Variants in PPARGC1A observed in about 807,000 individuals in gnomAD.
PPARGC1A encodes the protein peroxisome proliferator-activated receptor gamma coactivator 1-alpha.
A neutral mutation model predicts 88.7 loss-of-function variants in PPARGC1A; 25 were observed. The ratio of observed to expected loss-of-function variants is 0.28; its 90% confidence interval spans 0.21 to 0.39. The LOEUF (loss-of-function observed/expected upper bound fraction) is 0.39. PPARGC1A is among the 10% of genes least tolerant of loss of function. The probability of loss-of-function intolerance (pLI) is 1.00; values close to 1 mark genes in which losing one functional copy is unlikely to be tolerated. For synonymous variants in PPARGC1A, 363 were observed against 355.6 expected, an observed-to-expected ratio of 1.02 and a Z score of -0.24; for missense variants, 880 against 968.7, an observed-to-expected ratio of 0.91 and a Z score of 1.22.
chr4:24,118,992 G>C, the PPARGC1A span, among the ~76,000 whole-genome samples: 1 of 152,160 alleles, frequency 6.6e-6, no homozygotes, highest in Non-Finnish European at 1.5e-5. Context: ...GGTGTTTCTA[G>C]TGCATCAGCC....
intron 7 of PPARGC1A, among the ~76,000 whole-genome samples, chr4:23,821,800 C>A (rs1261474405): frequency 6.6e-6 from 1 of 151,782 alleles, no homozygotes; most frequent in Non-Finnish European, 1.5e-5. Flanking sequence ...AGTAAATGGA[C>A]CAAGGCCACA....
the PPARGC1A span, among the ~76,000 whole-genome samples, chr4:24,229,717 T>C: frequency 6.6e-6 from 1 of 151,738 alleles, no homozygotes; most frequent in Non-Finnish European, 1.5e-5. Flanking sequence ...TAGTGGCACA[T>C]GCCTGTAATC....
chr4:24,300,491 G>C, the PPARGC1A span, among the ~76,000 whole-genome samples: 5,093 of 151,254 alleles, frequency 0.034, 130 homozygotes, highest in Non-Finnish European at 0.047. Context: ...TAGACACTCA[G>C]GTAGATAACT....
the PPARGC1A span, among the ~76,000 whole-genome samples, chr4:23,951,474 C>T: frequency 1.1e-4 from 17 of 152,272 alleles, no homozygotes; most frequent in African/African-American, 4.1e-4. Flanking sequence ...GGATTCTTTC[C>T]TTTCCCAGCA....
chr4:24,451,394 C>T, the PPARGC1A span, among the ~76,000 whole-genome samples: 1 of 152,240 alleles, frequency 6.6e-6, no homozygotes, highest in East Asian at 1.9e-4. Flanking sequence ...CAAGCACGAC[C>T]CTAATGGCAC....
the PPARGC1A span, among the ~76,000 whole-genome samples, chr4:24,438,989 T>G: frequency 6.6e-6 from 1 of 152,090 alleles, no homozygotes; most frequent in African/African-American, 2.4e-5. Context: ...ACTAATATAT[T>G]ATGCACATTA....
the PPARGC1A span, among the ~76,000 whole-genome samples, chr4:24,113,002 G>C: frequency 6.6e-6 from 1 of 152,092 alleles, no homozygotes; most frequent in African/African-American, 2.4e-5. Flanking sequence ...GTTTAATATA[G>C]ATGTTAGATA....
At chr4:24,041,030 A>G in the PPARGC1A span, among the ~76,000 whole-genome samples, 1 of 152,216 alleles carries the variant, frequency 6.6e-6, no homozygotes, top group African/African-American at 2.4e-5. Flanking sequence ...GCTACAGTTC[A>G]TCTTGGCAGT....
the PPARGC1A span, among the ~76,000 whole-genome samples, chr4:23,941,400 C>T: frequency 6.6e-6 from 1 of 152,008 alleles, no homozygotes; most frequent in Non-Finnish European, 1.5e-5. Context: ...ATTAACCAAA[C>T]TATTTTGTGG....
the PPARGC1A span, among the ~76,000 whole-genome samples, chr4:24,249,864 CT>C: frequency 6.6e-6 from 1 of 152,194 alleles, no homozygotes; most frequent in African/African-American, 2.4e-5. Context: ...ACAAAAGCCC[CT>C]AGCACAATAC....
the PPARGC1A span, among the ~76,000 whole-genome samples, chr4:24,312,421 G>A: frequency 1.3e-5 from 2 of 151,328 alleles, no homozygotes; most frequent in African/African-American, 4.9e-5. Context: ...AATCACTTAG[G>A]TGAAAGAAGA....
the PPARGC1A span, among the ~76,000 whole-genome samples, chr4:24,093,966 A>C: frequency 6.7e-6 from 1 of 149,384 alleles, no homozygotes; most frequent in Non-Finnish European, 1.5e-5. Flanking sequence ...GCATTTCCCT[A>C]ACTCCCTTAA....
chr4:24,012,079 C>T, the PPARGC1A span, among the ~76,000 whole-genome samples: 1 of 152,080 alleles, frequency 6.6e-6, no homozygotes, highest in African/African-American at 2.4e-5. Context: ...CATAGGAGCG[C>T]CTATAATATT....
At chr4:24,364,246 G>A in the PPARGC1A span, among the ~76,000 whole-genome samples, 49,551 of 152,000 alleles carry the variant, frequency 0.33, 8,291 homozygotes, top group South Asian at 0.39. Flanking sequence ...TAATAAAGAC[G>A]TTCAAACCAT....
chr4:23,867,099 T>C (rs562565995), intron 2 of PPARGC1A, among the ~76,000 whole-genome samples: 1 of 152,332 alleles, frequency 6.6e-6, no homozygotes, highest in African/African-American at 2.4e-5. Flanking sequence ...TATTGAAGAC[T>C]CACGAGTAAA....
At chr4:24,215,409 T>G in the PPARGC1A span, among the ~76,000 whole-genome samples, 6 of 152,336 alleles carry the variant, frequency 3.9e-5, no homozygotes, top group African/African-American at 1.4e-4. Context: ...TAAATTACTG[T>G]TAAAAGAATT....
chr4:24,322,007 T>G, the PPARGC1A span, among the ~76,000 whole-genome samples: 4 of 152,234 alleles, frequency 2.6e-5, no homozygotes, highest in Admixed American at 6.5e-5. Flanking sequence ...CATGGATTAA[T>G]GGAGAACACT....
chr4:24,457,259 G>A, the PPARGC1A span, among the ~76,000 whole-genome samples: 5 of 152,146 alleles, frequency 3.3e-5, no homozygotes, highest in African/African-American at 1.2e-4. Flanking sequence ...TGTGGGGAGG[G>A]AGAGTTTAAT....
chr4:23,814,172 A>G lies in PPARGC1A; in HGVS notation c.1311T>C (p.Thr437=). The change falls in exon 8 of 13, where the codon ACT becomes ACC. Residue 437 remains threonine (T), a synonymous_variant. Coordinates refer to ENST00000264867, the MANE Select transcript of PPARGC1A (RefSeq NM_013261.5). Reference sequence around the variant, plus strand: ...GAGAGACCTGCTTGCTTGCCTCCAAAGTCTCTCTCAGGTAGCACTGGTCTG... The same window carrying G: ...GAGAGACCTGCTTGCTTGCCTCCAAGGTCTCTCTCAGGTAGCACTGGTCTG... ...TDSDQCYLRE[T]LEASKQVSPC... The G allele has an allele frequency of 1.2e-6, 2 of 1,614,096 alleles. No homozygotes were observed. Among genetic ancestry groups the G allele is most frequent in the East Asian group, 4.5e-5 (2 of 44,864 alleles).
Sources: gnomAD v4.1 joint callset for allele counts (sites outside exome capture counted in the v4.1 genomes callset) on GRCh38, gnomAD v4.1.1 for gene constraint, MANE v1.5 for transcripts, NCBI Gene and HGNC (gene_info 2026-07-23, HGNC 2026-07-21) for gene names.